The following ZBTB10 variants were observed in gnomAD, a reference collection of about 807,000 sequenced individuals.
ZBTB10 encodes the protein zinc finger and BTB domain containing 10, also known as zinc finger and BTB domain-containing protein 10.
ZBTB10 carries 32 observed loss-of-function variants against 76.4 expected under a neutral mutation model. The ratio of observed to expected loss-of-function variants is 0.42; its 90% confidence interval spans 0.32 to 0.56. The LOEUF is 0.56. ZBTB10 is among the 20% of genes least tolerant of loss of function. The pLI is 0.14. For missense variants in ZBTB10, 1,057 were observed against 1,098.5 expected, an observed-to-expected ratio of 0.96 and a Z score of 0.53; for synonymous variants, 523 against 432.9, an observed-to-expected ratio of 1.21 and a Z score of -2.58.
Position 80,502,424 on chromosome 8 carries a change from C to CG in ZBTB10, c.1861+2047dup, listed in dbSNP as rs574059974. Among the ~76,000 whole-genome samples, 293 of 152,166 alleles carry CG rather than the reference C, an allele frequency of 1.9e-3. 2 individuals are homozygous for CG. Among genetic ancestry groups the CG allele is most frequent in the African/African-American group, 6.5e-3 (268 of 41,496 alleles). On this transcript the variant is annotated intron_variant, in intron 2 of 5. Transcript: ENST00000455036. ...CTAATTTTTTTATTATTACTAGAGA[C>CG]GGGGGTCTCACCATGTTGGCCAAGC...
chr8:80,500,951 C>G (rs571184175), intron 2 of ZBTB10, among the ~76,000 whole-genome samples: 26 of 152,278 alleles, frequency 1.7e-4, no homozygotes, highest in African/African-American at 6.0e-4. Context: ...ACTGCAAACT[C>G]CGCCTCCCAG....
At chr8:80,507,115 C>T (rs548831510) in intron 2 of ZBTB10, among the ~76,000 whole-genome samples, 9 of 151,546 alleles carry the variant, frequency 5.9e-5, no homozygotes, top group Admixed American at 5.9e-4. Flanking sequence ...CGAGATCATC[C>T]TGGCCAACAT....
intron 2 of ZBTB10, among the ~76,000 whole-genome samples, chr8:80,502,599 A>G (rs1441750866): frequency 6.6e-6 from 1 of 152,120 alleles, no homozygotes. Flanking sequence ...TGCTTAACTC[A>G]CAAATTTGGT....
chr8:80,486,947 AGCCCCCGCC>A lies in ZBTB10; in HGVS notation c.141_149del (p.Pro48_Pro50del), dbSNP rs757066981. The stretch of plus-strand genomic sequence containing the variant: ...TGGCCTCCGCAGCCCCAGCCGAGAC[AGCCCCCGCC>A]GCCAGCGCCGCCCGCGCTTCAGCCG... On this transcript the variant is annotated inframe_deletion, in exon 1 of 6. Transcript: ENST00000455036. 2.6e-5 allele frequency: 40 copies of A among 1,513,032 alleles called. No individual in the cohort carries two copies. The highest frequency in any genetic ancestry group is 2.1e-4 in the Middle Eastern group (1 of 4,670). 93.7% of individuals were successfully genotyped at this position (1,513,032 alleles called of 1,614,324 possible).
At position 80,487,644 on chromosome 8, in the gene ZBTB10, C is replaced by T. The variant is rs748557459; in HGVS notation, c.834C>T (p.Thr278=). 4 of 1,613,904 alleles carry T rather than the reference C, an allele frequency of 2.5e-6. No individual in the cohort carries two copies. The highest frequency in any genetic ancestry group is 1.1e-5 in the South Asian group (1 of 91,078). The change falls in exon 1 of 6, where the codon ACC becomes ACT. Residue 278 remains threonine (T), a synonymous_variant. Transcript: ENST00000455036. Reference sequence around the variant, plus strand: ...TGTCTTGCGGCTGGTGCCAAAAGACCCCTGCAGATGGGGGAAGCGTGGACC... The same window carrying T: ...TGTCTTGCGGCTGGTGCCAAAAGACTCCTGCAGATGGGGGAAGCGTGGACC... The part of the protein sequence containing the change: ...GLMSCGWCQK[T]PADGGSVDLP...
In ZBTB10 at chr8:80,487,260, G is replaced by A. The variant is rs1333336896; in HGVS notation, c.450G>A (p.Leu150=). The change falls in exon 1 of 6, where the codon TTG becomes TTA. Residue 150 remains leucine, a synonymous_variant. Transcript: ENST00000455036. ...GCCCCGAGACCTCGGTGTGGCCCTT[G>A]AGGCATTTCAATGGGCGAGGGCCGG... ...RGRPETSVWP[L]RHFNGRGPAT... is the part of the protein sequence containing the mutation. 4 of 1,552,300 alleles carry A rather than the reference G, an allele frequency of 2.6e-6. No individual in the cohort carries two copies. The highest frequency in any genetic ancestry group is 2.6e-6 in the Non-Finnish European group (3 of 1,149,838).
chr8:80,499,398 A>G (rs1333473250), intron 1 of ZBTB10, 96 bp from the exon 2 acceptor site: 15 of 1,278,914 alleles, frequency 1.2e-5, no homozygotes, highest in Non-Finnish European at 1.6e-5. Context: ...ATATTTGATT[A>G]TCGCTTTTTA....
rs752224870 is a variant in ZBTB10 at position 80,486,787 on chromosome 8, G to T, written c.-24G>T. On this transcript the variant is annotated 5_prime_UTR_variant, in exon 1 of 6. Coordinates refer to ENST00000455036, the MANE Select transcript of ZBTB10 (RefSeq NM_001105539.3). ...GGCCGTGCGCGAGCCGGGGCACCGG[G>T]CGGCGGCGGCGGCGGCGCGCGCCAT... The T allele has an allele frequency of 1.3e-4, 178 of 1,326,632 alleles. No homozygotes were observed. Among genetic ancestry groups the T allele is most frequent in the Admixed American group, 8.0e-5 (2 of 24,984 alleles). 82.2% of individuals were successfully genotyped at this position (1,326,632 alleles called of 1,614,324 possible).
intron 1 of ZBTB10, among the ~76,000 whole-genome samples, chr8:80,495,288 A>G (rs1299773935): frequency 2.0e-5 from 3 of 152,172 alleles, no homozygotes; most frequent in Non-Finnish European, 4.4e-5. Flanking sequence ...AAATGTGCCC[A>G]AGTGCATATT....
chr8:80,511,587 A>G (rs1388091610), intron 2 of ZBTB10, among the ~76,000 whole-genome samples: 1 of 152,230 alleles, frequency 6.6e-6, no homozygotes, highest in Non-Finnish European at 1.5e-5. Flanking sequence ...TCCTGGGCTC[A>G]AGCCATTCTC....
rs1816493678 is a variant in ZBTB10, at chr8:80,523,638, T to A, written c.*4110T>A. The A allele has an allele frequency of 6.6e-6, 1 of 151,840 alleles. No homozygotes were observed. The highest frequency in any genetic ancestry group is 2.1e-4 in the South Asian group (1 of 4,822). The allele number at this position is 151,840 out of a possible 1,614,324, so 9.4% of individuals were successfully genotyped here. A position where few individuals can be genotyped will look rare whatever the true frequency, so the allele number is the denominator to read the frequency against. On this transcript the variant is annotated 3_prime_UTR_variant, in exon 6 of 6. Transcript: ENST00000455036. ...GAAAGTTTTTTTTTTTTTCCTGCTG[T>A]ATCTCTGCTTTCAACTGAAGTTAAA...
At chr8:80,485,894 G>A, upstream of ZBTB10, 1 of 1,534,950 alleles carries the variant, frequency 6.5e-7, no homozygotes, top group Non-Finnish European at 8.7e-7. Flanking sequence ...GTGCGTGTGG[G>A]CAGCGGGGAG....
At chr8:80,506,985 A>G (rs1483095278) in intron 2 of ZBTB10, among the ~76,000 whole-genome samples, 4 of 152,250 alleles carry the variant, frequency 2.6e-5, no homozygotes, top group African/African-American at 9.6e-5. Context: ...TTACTTATGT[A>G]TTTATTTATT....
chr8:80,486,056 C>G (rs543425397), upstream of ZBTB10: 15 of 1,049,970 alleles, frequency 1.4e-5, no homozygotes, highest in East Asian at 4.4e-4. Flanking sequence ...GCCGCACCCC[C>G]GCCCCCAGGC....
intron 1 of ZBTB10, among the ~76,000 whole-genome samples, chr8:80,490,208 A>G (rs1053526403): frequency 7.2e-5 from 11 of 152,214 alleles, no homozygotes; most frequent in African/African-American, 2.7e-4. Context: ...TATGCAAAGT[A>G]TATGTGCCAG....
In ZBTB10 at chr8:80,524,223, A is replaced by G. The variant is rs1301101921; in HGVS notation, c.*4695A>G. The G allele has an allele frequency of 2.0e-5, 3 of 152,026 alleles. No individual in the cohort carries two copies. The highest frequency in any genetic ancestry group is 4.4e-5 in the Non-Finnish European group (3 of 67,902). 9.4% of individuals were successfully genotyped at this position (152,026 alleles called of 1,614,324 possible). A position where few individuals can be genotyped will look rare whatever the true frequency, so the allele number is the denominator to read the frequency against. ...TTACAAGTTTGAATTATGGAATACT[A>G]TAAGGGTTTTTTGTTTATTTGTATG... On this transcript the variant is annotated 3_prime_UTR_variant, in exon 6 of 6. Coordinates refer to ENST00000455036, the MANE Select transcript of ZBTB10 (RefSeq NM_001105539.3).
intron 1 of ZBTB10, among the ~76,000 whole-genome samples, chr8:80,490,985 C>T (rs1815615811): frequency 6.6e-6 from 1 of 152,182 alleles, no homozygotes; most frequent in Non-Finnish European, 1.5e-5. Flanking sequence ...GGGTGAATCA[C>T]TTGAGGTCAG....
intron 1 of ZBTB10, among the ~76,000 whole-genome samples, chr8:80,494,977 A>T (rs2131481411): frequency 6.6e-6 from 1 of 151,454 alleles, no homozygotes; most frequent in South Asian, 2.1e-4. Flanking sequence ...CAGTATCTGC[A>T]GTCTTCATTC....
chr8:80,506,143 G>A (rs1816046126), intron 2 of ZBTB10, among the ~76,000 whole-genome samples: 1 of 151,960 alleles, frequency 6.6e-6, no homozygotes, highest in Non-Finnish European at 1.5e-5. Context: ...AGCCTTGAGT[G>A]TATCCCAGAC....
Sources: gnomAD v4.1 joint callset for allele counts (sites outside exome capture counted in the v4.1 genomes callset) on GRCh38, gnomAD v4.1.1 for gene constraint, MANE v1.5 for transcripts, NCBI Gene and HGNC (gene_info 2026-07-23, HGNC 2026-07-21) for gene names.